The following PHLDB2 variants were observed in gnomAD, a reference collection of about 807,000 sequenced individuals.
The protein encoded by PHLDB2 is pleckstrin homology like domain family B member 2.
A neutral mutation model predicts 123.6 loss-of-function variants in PHLDB2; 71 were observed. The ratio of observed to expected loss-of-function variants is 0.57; its 90% CI spans 0.47 to 0.70. PHLDB2 has a LOEUF of 0.70. PHLDB2 is among the 30% of genes least tolerant of loss of function. The pLI is 0.00. For missense variants in PHLDB2, 1,446 were observed against 1,519.5 expected (o/e 0.95, Z 0.80); for synonymous variants, 547 against 541.6 (o/e 1.01, Z -0.14).
chr3:111,788,872 G>A (rs1272067340), intron 1 of PHLDB2, among the ~76,000 whole-genome samples: 1 of 152,202 alleles, frequency 6.6e-6, no homozygotes, highest in East Asian at 1.9e-4. Flanking sequence ...CTGCTTTAAA[G>A]AGTAAAAGAA....
chr3:111,864,185 C>G (rs949506000), intron 1 of PHLDB2, among the ~76,000 whole-genome samples: 2 of 152,130 alleles, frequency 1.3e-5, no homozygotes, highest in Admixed American at 6.5e-5. Flanking sequence ...TCTGCCCCCC[C>G]GCAGGTACTA....
At chr3:111,846,232 C>A in intron 2 of PHLDB2, 1 of 291,192 alleles carries the variant, frequency 3.4e-6, no homozygotes, top group Non-Finnish European at 6.7e-6. Context: ...ATCAGTCATT[C>A]AGAAATCAAA....
chr3:111,831,022 AAAGAAAGAAAGG>A (rs1165604720), intron 1 of PHLDB2, among the ~76,000 whole-genome samples: 192 of 111,468 alleles, frequency 1.7e-3, no homozygotes, highest in African/African-American at 6.7e-3. Flanking sequence ...AGAAAGAAAG[AAAGAAAGAAAGG>A]AAGGAAGGAA....
intron 1 of PHLDB2, among the ~76,000 whole-genome samples, chr3:111,816,620 C>T (rs1043672512): frequency 6.6e-6 from 1 of 152,180 alleles, no homozygotes; most frequent in African/African-American, 2.4e-5. Context: ...AATTAACTTG[C>T]TTTTGAATTT....
At chr3:111,895,869 T>C (rs62277587) in intron 2 of PHLDB2, among the ~76,000 whole-genome samples, 24 of 97,736 alleles carry the variant, frequency 2.5e-4, no homozygotes, top group Non-Finnish European at 1.8e-4. Flanking sequence ...TCTATCTATC[T>C]ATCCATCTAT....
intron 16 of PHLDB2, among the ~76,000 whole-genome samples, chr3:111,971,649 G>T (rs2072193514): frequency 6.6e-6 from 1 of 152,102 alleles, no homozygotes; most frequent in African/African-American, 2.4e-5. Context: ...CCCCACCCCT[G>T]CTTCTCATAC....
Position 111,885,001 on chromosome 3 carries a change from C to G in PHLDB2, c.924C>G (p.Ser308Arg), listed in dbSNP as rs139585472. ...NDNYLNFSSL[S>R]SGALPYKTSA... ...ATTACCTTAATTTTTCTTCTTTGAG[C>G]TCAGGGGCTTTACCCTATAAAACCT... The change falls in exon 2 of 18, where the codon AGC (serine) becomes AGG (arginine). Residue 308 changes from serine to arginine, a missense_variant. Physicochemically the swap from Ser to Arg is moderately radical, Grantham distance 110. Around this residue, in one of 3 missense-constraint regions of PHLDB2, gnomAD observed 832 missense variants for 831.9 expected, o/e 1.00. Coordinates refer to ENST00000431670, the MANE Select transcript of PHLDB2 (RefSeq NM_001134438.2). 23 of 1,614,134 alleles carry G rather than the reference C, an allele frequency of 1.4e-5. No individual in the cohort carries two copies. In the East Asian group the frequency reaches 4.5e-4, roughly 31 times the overall value.
rs1559827411 is a variant in PHLDB2, at chr3:111,780,393, A to AGAG, written c.-49+47692_-49+47693insGGA. 3.7e-4 allele frequency among the ~76,000 whole-genome samples: 18 copies of AGAG among 48,436 alleles called. 2 individuals are homozygous for AGAG. The highest frequency in any genetic ancestry group is 8.7e-4 in the Non-Finnish European group (15 of 17,268). 31.8% of individuals were successfully genotyped at this position (48,436 alleles called of 152,430 possible). On this transcript the variant is annotated intron_variant, in intron 1 of 17. Coordinates refer to the PHLDB2 transcript ENST00000393923. ...AAGAAGAAGAAGAAGAAGAAGAAGA[A>AGAG]GAAGAAGAAGAAGAAGAAAAAGATT...
intron 1 of PHLDB2, among the ~76,000 whole-genome samples, chr3:111,825,181 C>T (rs2062596664): frequency 1.3e-5 from 2 of 152,142 alleles, no homozygotes; most frequent in African/African-American, 2.4e-5. Context: ...GTCACAAGTA[C>T]AAATCACTGT....
chr3:111,810,307 C>T (rs2061772809), intron 1 of PHLDB2, among the ~76,000 whole-genome samples: 1 of 152,188 alleles, frequency 6.6e-6, no homozygotes, highest in African/African-American at 2.4e-5. Context: ...GCCTACTCTG[C>T]ATGACTATCT....
intron 1 of PHLDB2, among the ~76,000 whole-genome samples, chr3:111,873,570 G>A (rs2065452386): frequency 6.6e-6 from 1 of 152,156 alleles, no homozygotes; most frequent in African/African-American, 2.4e-5. Context: ...ATTCTTTACT[G>A]TAGGAGTAAA....
chr3:111,907,282 C>T (rs1349026202), intron 2 of PHLDB2, among the ~76,000 whole-genome samples: 1 of 152,098 alleles, frequency 6.6e-6, no homozygotes, highest in Admixed American at 6.6e-5. Context: ...AGCACAGTTA[C>T]GATTCACTAT....
chr3:111,743,133 A>T (rs564952064), intron 1 of PHLDB2, among the ~76,000 whole-genome samples: 1 of 152,340 alleles, frequency 6.6e-6, no homozygotes, highest in South Asian at 2.1e-4. Context: ...CCAGGCTATG[A>T]AGAAAAAGCT....
chr3:111,842,154 C>T (rs2063723379), intron 1 of PHLDB2, among the ~76,000 whole-genome samples: 1 of 152,214 alleles, frequency 6.6e-6, no homozygotes, highest in African/African-American at 2.4e-5. Flanking sequence ...CAGTACCTGG[C>T]TTATAACTGC....
chr3:111,832,214 T>C (rs1559856087), intron 1 of PHLDB2, among the ~76,000 whole-genome samples: 1 of 152,146 alleles, frequency 6.6e-6, no homozygotes, highest in Non-Finnish European at 1.5e-5. Flanking sequence ...TCATACCAAA[T>C]ACAAGTTAAT....
chr3:111,872,850 T>C (rs1395993974), intron 1 of PHLDB2, among the ~76,000 whole-genome samples: 2 of 152,212 alleles, frequency 1.3e-5, no homozygotes, highest in African/African-American at 4.8e-5. Context: ...AGAAATCAAG[T>C]TGAAACAAAT....
chr3:111,775,966 T>C (rs1187741558), intron 1 of PHLDB2, among the ~76,000 whole-genome samples: 2 of 152,146 alleles, frequency 1.3e-5, no homozygotes, highest in Non-Finnish European at 2.9e-5. Context: ...GGTGAAAGCT[T>C]TGGAACGTAT....
intron 1 of PHLDB2, among the ~76,000 whole-genome samples, chr3:111,740,731 A>C (rs1462165626): frequency 6.6e-6 from 1 of 152,074 alleles, no homozygotes; most frequent in African/African-American, 2.4e-5. Context: ...CCCCCACCAA[A>C]TACATTCACT....
At chr3:111,897,413 G>A (rs1173694418) in intron 2 of PHLDB2, among the ~76,000 whole-genome samples, 1 of 152,214 alleles carries the variant, frequency 6.6e-6, no homozygotes, top group African/African-American at 2.4e-5. Context: ...CTTAGTGGGA[G>A]AAATAGGGTA....
Sources: allele counts gnomAD v4.1 joint callset (sites outside exome capture counted in the v4.1 genomes callset), GRCh38; gene constraint gnomAD v4.1.1; regional missense constraint gnomAD v4.1.1; transcripts MANE v1.5; gene names NCBI Gene and HGNC (gene_info 2026-07-23, HGNC 2026-07-21).